EHMT1: variants seen among roughly 807,000 people sequenced by gnomAD.
The protein encoded by EHMT1 is histone-lysine N-methyltransferase EHMT1.
A neutral mutation model predicts 147.2 loss-of-function variants in EHMT1; 15 were observed. The observed-to-expected ratio is 0.10, with a 90% CI of 0.07 to 0.16. The LOEUF (loss-of-function observed/expected upper bound fraction) is 0.16. EHMT1 is among the 10% of genes least tolerant of loss of function. EHMT1 has a pLI of 1.00. For missense variants in EHMT1, 1,587 were observed against 1,772.4 expected (o/e 0.90, Z 1.88); for synonymous variants, 795 against 709.6 (o/e 1.12, Z -1.91).
At chr9:137,673,764 T>G (rs1436181868) in intron 1 of EHMT1, among the ~76,000 whole-genome samples, 2 of 152,364 alleles carry the variant, frequency 1.3e-5, no homozygotes, top group East Asian at 3.9e-4. Flanking sequence ...CATTTCATGG[T>G]GGTAATTGTG....
intron 8 of EHMT1, among the ~76,000 whole-genome samples, chr9:137,755,512 G>A (rs1000082505): frequency 6.6e-6 from 1 of 152,224 alleles, no homozygotes; most frequent in Non-Finnish European, 1.5e-5. Flanking sequence ...AGCCTTGGCT[G>A]CTAGAAATTA....
chr9:137,633,141 C>T (rs558928804), intron 1 of EHMT1, among the ~76,000 whole-genome samples: 2 of 152,108 alleles, frequency 1.3e-5, no homozygotes, highest in South Asian at 2.1e-4. Context: ...GGTGGGTGGC[C>T]GTGCCATTCA....
intron 3 of EHMT1, among the ~76,000 whole-genome samples, chr9:137,722,726 G>A (rs1946188201): frequency 6.6e-6 from 1 of 151,814 alleles, no homozygotes; most frequent in African/African-American, 2.4e-5. Flanking sequence ...CAGAGGTGGT[G>A]CGGCAGAGAC....
chr9:137,806,567 C>T (rs1953964341), intron 18 of EHMT1, among the ~76,000 whole-genome samples: 1 of 152,044 alleles, frequency 6.6e-6, no homozygotes, highest in Non-Finnish European at 1.5e-5. Context: ...TCCTGAGTAC[C>T]TGGGATTATA....
intron 18 of EHMT1, among the ~76,000 whole-genome samples, chr9:137,810,187 C>T (rs866587950): frequency 6.2e-5 from 9 of 144,996 alleles, no homozygotes; most frequent in African/African-American, 1.8e-4. Context: ...GTTCCGATGC[C>T]GCCCCGTGTG....
At chr9:137,763,004 CAGGTCT>C (rs1446591772) in intron 10 of EHMT1, 184 bp downstream of exon 10, 1 of 762,676 alleles carries the variant, frequency 1.3e-6, no homozygotes, top group Non-Finnish European at 2.2e-6. Context: ...TGATGAAACA[CAGGTCT>C]AGAGCTTGTT....
At chr9:137,758,034 G>T (rs1949512480) in intron 9 of EHMT1, 23 bp downstream of exon 9, 1 of 1,613,770 alleles carries the variant, frequency 6.2e-7, no homozygotes, top group Non-Finnish European at 8.5e-7. Flanking sequence ...GTGTAACTTA[G>T]ACCGGGCACC....
chr9:137,672,507 T>C (rs1589201534), intron 1 of EHMT1, among the ~76,000 whole-genome samples: 1 of 131,728 alleles, frequency 7.6e-6, no homozygotes, highest in Non-Finnish European at 1.6e-5. Context: ...TTGGTGCCAT[T>C]CTGGCAACTC....
chr9:137,631,594 G>T (rs907840959), intron 1 of EHMT1, among the ~76,000 whole-genome samples: 1 of 151,862 alleles, frequency 6.6e-6, no homozygotes, highest in Admixed American at 6.6e-5. Flanking sequence ...TTAGAATGAA[G>T]GTCAGGCGTG....
intron 10 of EHMT1, chr9:137,763,554 C>T (rs1950005844): frequency 6.4e-6 from 1 of 155,858 alleles, no homozygotes; most frequent in Non-Finnish European, 1.4e-5. Context: ...CGTCTGCTTC[C>T]TGAGGGGTGT....
chr9:137,818,173 C>T, intron 25 of EHMT1, 35 bp downstream of exon 25: 1 of 1,607,226 alleles, frequency 6.2e-7, no homozygotes, highest in Non-Finnish European at 8.5e-7. Flanking sequence ...CCACGCAGAA[C>T]TTGTGAACTG....
chr9:137,624,275 A>G (rs888213366), intron 1 of EHMT1, among the ~76,000 whole-genome samples: 9 of 149,318 alleles, frequency 6.0e-5, no homozygotes, highest in African/African-American at 1.7e-4. Context: ...TGCTAGGATT[A>G]CAGGCCAGGC....
chr9:137,832,027 C>T (rs1000878269), intron 25 of EHMT1, among the ~76,000 whole-genome samples: 9 of 151,108 alleles, frequency 6.0e-5, no homozygotes, highest in East Asian at 2.0e-4. Context: ...CGCTGCACTT[C>T]GCCCCAGTCC....
At chr9:137,664,094 G>T (rs771083447) in intron 1 of EHMT1, among the ~76,000 whole-genome samples, 17 of 152,116 alleles carry the variant, frequency 1.1e-4, no homozygotes, top group Middle Eastern at 3.4e-3. Context: ...TCAAGAGATG[G>T]AGTTCTCATT....
At chr9:137,718,324 GCTCT>G (rs1302245727) in intron 3 of EHMT1, among the ~76,000 whole-genome samples, 2 of 152,374 alleles carry the variant, frequency 1.3e-5, no homozygotes, top group African/African-American at 4.8e-5. Flanking sequence ...CTTTTAGTGT[GCTCT>G]CTCAGTTTGA....
rs146711478 is a variant in EHMT1 at position 137,744,055 on chromosome 9, A to G, written c.1135A>G (p.Lys379Glu). 1.4e-4 allele frequency: 231 copies of G among 1,614,028 alleles called. No homozygotes were observed. Among genetic ancestry groups the G allele is most frequent in the Non-Finnish European group, 1.7e-4 (203 of 1,180,038 alleles). Residue 379 changes from lysine to glutamate, a missense_variant, in exon 6 of 27, where the codon AAG (lysine) becomes GAG (glutamate). Coordinates refer to ENST00000460843, the MANE Select transcript of EHMT1 (RefSeq NM_024757.5). ...AFPTEDSRTS[K>E]ESMSEADRAQ... ...CCCCACAGAGGACAGCAGGACTTCC[A>G]AGGAGAGCATGTCGGAGGCTGATCG...
At chr9:137,717,455 C>T (rs756119245) in intron 3 of EHMT1, among the ~76,000 whole-genome samples, 1 of 151,624 alleles carries the variant, frequency 6.6e-6, no homozygotes, top group Non-Finnish European at 1.5e-5. Flanking sequence ...GTAAAAAATG[C>T]AAAAATTAAC....
intron 10 of EHMT1, among the ~76,000 whole-genome samples, chr9:137,774,497 G>C (rs1368656609): frequency 1.5e-5 from 2 of 134,928 alleles, no homozygotes; most frequent in Admixed American, 1.5e-4. Context: ...TGGTGGGTAT[G>C]GTCGCGCCTG....
At chr9:137,681,542 A>T (rs1342066033) in intron 1 of EHMT1, among the ~76,000 whole-genome samples, 1 of 152,200 alleles carries the variant, frequency 6.6e-6, no homozygotes, top group East Asian at 1.9e-4. Flanking sequence ...CCAGCAATTC[A>T]GAATTGTCCA....
Sources: gnomAD v4.1 joint callset for allele counts (sites outside exome capture counted in the v4.1 genomes callset) on GRCh38, gnomAD v4.1.1 for gene constraint, MANE v1.5 for transcripts, NCBI Gene and HGNC (gene_info 2026-07-23, HGNC 2026-07-21) for gene names.